The following PATJ variants were observed in gnomAD, a reference collection of about 807,000 sequenced individuals.
The protein encoded by PATJ is PATJ crumbs cell polarity complex component, also known as inaD-like protein.
PATJ carries 190 observed loss-of-function variants against 224.9 expected under a neutral mutation model. The ratio of observed to expected loss-of-function variants is 0.84; its 90% CI spans 0.75 to 0.95. PATJ has a LOEUF of 0.95. Ranked by LOEUF, PATJ falls within the 40% of genes least tolerant of loss-of-function variation. PATJ has a pLI of 0.00. For synonymous variants in PATJ, 769 were observed against 820.3 expected, an observed-to-expected ratio of 0.94 and a Z score of 1.07; for missense variants, 2,121 against 2,270.3, an observed-to-expected ratio of 0.93 and a Z score of 1.34.
intron 31 of PATJ, among the ~76,000 whole-genome samples, chr1:62,052,786 A>G (rs1187840976): frequency 6.6e-6 from 1 of 152,138 alleles, no homozygotes; most frequent in African/African-American, 2.4e-5. Flanking sequence ...GTAAAAAATT[A>G]TGATTTCCCT....
chr1:62,153,905 C>A (rs1027993981), intron 43 of PATJ, among the ~76,000 whole-genome samples: 1 of 152,098 alleles, frequency 6.6e-6, no homozygotes, highest in Non-Finnish European at 1.5e-5. Context: ...TCAGTGCATT[C>A]TTTATTTTAT....
At chr1:61,960,321 C>G (rs1681086136) in intron 27 of PATJ, among the ~76,000 whole-genome samples, 1 of 152,150 alleles carries the variant, frequency 6.6e-6, no homozygotes, top group Non-Finnish European at 1.5e-5. Context: ...CATGACCATC[C>G]TTTCCCTCAT....
chr1:62,160,793 GT>G, intron 43 of PATJ, 114 bp from the exon 44 acceptor site: 9 of 1,087,750 alleles, frequency 8.3e-6, no homozygotes, highest in Non-Finnish European at 1.0e-5. Context: ...TTAATTGGTA[GT>G]TTTTAAAGTT....
At chr1:61,940,100 T>C (rs1677574307) in intron 27 of PATJ, among the ~76,000 whole-genome samples, 1 of 152,188 alleles carries the variant, frequency 6.6e-6, no homozygotes, top group Non-Finnish European at 1.5e-5. Flanking sequence ...TTTTTACTAA[T>C]AGCAATTGTA....
At chr1:62,066,842 G>A (rs1656530107) in intron 31 of PATJ, among the ~76,000 whole-genome samples, 1 of 152,124 alleles carries the variant, frequency 6.6e-6, no homozygotes, top group South Asian at 2.1e-4. Flanking sequence ...GATTGGTTGG[G>A]GGTGAATTCA....
At chr1:61,791,055 G>A (rs182346000) in intron 8 of PATJ, among the ~76,000 whole-genome samples, 2 of 152,228 alleles carry the variant, frequency 1.3e-5, no homozygotes, top group African/African-American at 4.8e-5. Context: ...ACCACAAGTT[G>A]AGTCCTTAAT....
intron 42 of PATJ, 115 bp from the exon 43 acceptor site, chr1:62,153,243 C>T (rs967146934): frequency 1.2e-6 from 1 of 800,380 alleles, no homozygotes; most frequent in African/African-American, 1.8e-5. Flanking sequence ...TCTGATAAAC[C>T]AAACTTCATA....
intron 38 of PATJ, 35 bp from the exon 39 acceptor site, chr1:62,122,986 A>G (rs1177459200): frequency 1.4e-6 from 2 of 1,407,046 alleles, no homozygotes; most frequent in Non-Finnish European, 2.0e-6. Context: ...ATTATTTTTT[A>G]ATATTAAAAA....
At chr1:62,158,124 A>T (rs1669431485) in intron 43 of PATJ, among the ~76,000 whole-genome samples, 1 of 149,588 alleles carries the variant, frequency 6.7e-6, no homozygotes, top group Non-Finnish European at 1.5e-5. Context: ...GCATCTGAGA[A>T]GACTAAGTGA....
intron 27 of PATJ, among the ~76,000 whole-genome samples, chr1:61,943,254 C>T (rs1678096831): frequency 6.6e-6 from 1 of 152,162 alleles, no homozygotes. Context: ...CTCACAGGGG[C>T]TTGTCAGACA....
intron 26 of PATJ, among the ~76,000 whole-genome samples, chr1:61,916,368 A>AT (rs1673458034): frequency 6.6e-6 from 1 of 152,010 alleles, no homozygotes; most frequent in South Asian, 2.1e-4. Context: ...TTCTATGTAG[A>AT]TTTTTATTTT....
chr1:62,050,932 A>T (rs369666317), intron 30 of PATJ, 34 bp from the exon 31 acceptor site: 20 of 1,488,740 alleles, frequency 1.3e-5, no homozygotes, highest in Non-Finnish European at 1.8e-5. Context: ...GTGAAGAATG[A>T]CATCTTTGCC....
chr1:62,012,056 A>G (rs935754668), intron 28 of PATJ, among the ~76,000 whole-genome samples: 4 of 151,992 alleles, frequency 2.6e-5, no homozygotes, highest in Non-Finnish European at 5.9e-5. Flanking sequence ...AAAACAAAAT[A>G]TAGCTTAAAA....
intron 27 of PATJ, among the ~76,000 whole-genome samples, chr1:61,936,323 C>CA (rs1172146885): frequency 2.1e-5 from 3 of 145,744 alleles, no homozygotes; most frequent in African/African-American, 5.1e-5. Context: ...CCCCTTCTTG[C>CA]AAAAAATATT....
At chr1:61,936,698 A>G (rs1343183376) in intron 27 of PATJ, among the ~76,000 whole-genome samples, 2 of 151,920 alleles carry the variant, frequency 1.3e-5, no homozygotes, top group African/African-American at 4.8e-5. Context: ...CAGCCACCCA[A>G]GTAGCTGGGA....
chr1:61,755,901 A>C (rs187878530), intron 1 of PATJ, among the ~76,000 whole-genome samples: 2 of 152,228 alleles, frequency 1.3e-5, no homozygotes, highest in African/African-American at 4.8e-5. Context: ...TCCTGGGTTC[A>C]AGCGATTCTC....
At chr1:61,755,931 A>C (rs1645613466) in intron 1 of PATJ, among the ~76,000 whole-genome samples, 1 of 152,008 alleles carries the variant, frequency 6.6e-6, no homozygotes, top group African/African-American at 2.4e-5. Context: ...CCTCCCAAGT[A>C]GCTGGGATTA....
chr1:62,043,874 C>T (rs182201605), intron 30 of PATJ, among the ~76,000 whole-genome samples: 16 of 152,050 alleles, frequency 1.1e-4, no homozygotes, highest in Admixed American at 5.2e-4. Context: ...ACTATAGGCA[C>T]GCACCACCAT....
chr1:61,996,178 C>T (rs1251730661), intron 28 of PATJ, among the ~76,000 whole-genome samples: 1 of 152,106 alleles, frequency 6.6e-6, no homozygotes, highest in African/African-American at 2.4e-5. Context: ...GAATGTGTCC[C>T]ATATTTTTCA....
Sources: allele counts gnomAD v4.1 joint callset (sites outside exome capture counted in the v4.1 genomes callset), GRCh38; gene constraint gnomAD v4.1.1; transcripts MANE v1.5; gene names NCBI Gene and HGNC (gene_info 2026-07-23, HGNC 2026-07-21).